Variants in GABRG3 observed in about 807,000 individuals in gnomAD.
GABRG3 encodes gamma-aminobutyric acid type A receptor subunit gamma3, also known as gamma-aminobutyric acid receptor subunit gamma-3.
Under a neutral mutation model 48.8 loss-of-function variants are expected in GABRG3, and 25 were observed. That is an observed-to-expected ratio of 0.51 (90% CI 0.37 to 0.72). The LOEUF (loss-of-function observed/expected upper bound fraction) is 0.72, where lower values mean the gene tolerates loss of function less well. GABRG3 is among the 30% of genes least tolerant of loss of function. GABRG3 has a pLI of 0.00. For missense variants in GABRG3, 394 were observed against 577.9 expected, an observed-to-expected ratio of 0.68 and a Z score of 3.26; for synonymous variants, 227 against 217.6, an observed-to-expected ratio of 1.04 and a Z score of -0.38.
intron 5 of GABRG3, among the ~76,000 whole-genome samples, chr15:27,422,618 T>A (rs1168255344): frequency 1.3e-5 from 2 of 152,188 alleles, no homozygotes; most frequent in African/African-American, 4.8e-5. Flanking sequence ...AACACTGAGT[T>A]TTCTAAGGAC....
intron 3 of GABRG3, among the ~76,000 whole-genome samples, chr15:27,264,162 G>A (rs116630380): frequency 1.3e-5 from 2 of 151,914 alleles, no homozygotes; most frequent in Non-Finnish European, 2.9e-5. Context: ...GCGGCCTCTG[G>A]AGAAACTGGA....
At chr15:27,413,497 G>A (rs1215513467) in intron 5 of GABRG3, among the ~76,000 whole-genome samples, 1 of 152,178 alleles carries the variant, frequency 6.6e-6, no homozygotes, top group African/African-American at 2.4e-5. Context: ...GAAATGAGCT[G>A]TCACCTGTGC....
intron 2 of GABRG3, among the ~76,000 whole-genome samples, chr15:27,004,232 G>A (rs1895533360): frequency 6.6e-6 from 1 of 151,700 alleles, no homozygotes; most frequent in Middle Eastern, 3.4e-3. Flanking sequence ...CTTCTCAGAT[G>A]GGGCAGTTGC....
In GABRG3 at chr15:26,975,818, C is replaced by G. The variant is rs1229674997; in HGVS notation, c.54-1184C>G. ...GAAAAGAGTTCATATACAGTCAGGA[C>G]AAATCCGCTTCCGTGCAGTTTTCAA... On this transcript the variant is annotated intron_variant, in intron 1 of 9. Transcript: ENST00000615808. The surrounding 1 kb of genome is among the most constrained non-coding windows in gnomAD (Gnocchi z 4.6). 1.3e-5 allele frequency among the ~76,000 whole-genome samples: 2 copies of G among 152,158 alleles called. No individual in the cohort carries two copies.
chr15:27,125,100 A>C (rs1304805645), intron 3 of GABRG3, among the ~76,000 whole-genome samples: 1 of 152,150 alleles, frequency 6.6e-6, no homozygotes, highest in African/African-American at 2.4e-5. Context: ...TCTCAAACCA[A>C]AGAGATGTAG....
intron 3 of GABRG3, among the ~76,000 whole-genome samples, chr15:27,045,308 G>T (rs531139302): frequency 6.6e-6 from 1 of 152,152 alleles, no homozygotes; most frequent in Non-Finnish European, 1.5e-5. Flanking sequence ...CAAAGGCCTC[G>T]TGCTAGGTGC....
chr15:27,016,330 G>A (rs1255139994), intron 2 of GABRG3, among the ~76,000 whole-genome samples: 1 of 149,982 alleles, frequency 6.7e-6, no homozygotes. Flanking sequence ...ATCTGAGAAT[G>A]TCTTACATTC....
intron 3 of GABRG3, among the ~76,000 whole-genome samples, chr15:27,190,948 G>A (rs921098853): frequency 6.6e-6 from 1 of 152,156 alleles, no homozygotes; most frequent in Non-Finnish European, 1.5e-5. Context: ...TGGTTTCAAA[G>A]AACATCTTTA....
chr15:27,343,669 A>C (rs1307584454), intron 5 of GABRG3, among the ~76,000 whole-genome samples: 3 of 152,224 alleles, frequency 2.0e-5, no homozygotes, highest in Non-Finnish European at 4.4e-5. Flanking sequence ...CAATTTAACT[A>C]AGTGGGTGGT....
At chr15:27,348,513 G>A (rs2140533926) in intron 5 of GABRG3, among the ~76,000 whole-genome samples, 2 of 152,278 alleles carry the variant, frequency 1.3e-5, no homozygotes, top group Middle Eastern at 6.8e-3. Context: ...GGATACTGAG[G>A]TTCAGGGTAC....
At chr15:27,455,398 A>C (rs1286650350) in intron 5 of GABRG3, among the ~76,000 whole-genome samples, 1 of 133,388 alleles carries the variant, frequency 7.5e-6, no homozygotes, top group Non-Finnish European at 1.6e-5. Context: ...TGTGGTGTGT[A>C]TGTGTGCTAT....
intron 4 of GABRG3, among the ~76,000 whole-genome samples, chr15:27,328,516 A>G (rs926867988): frequency 1.3e-5 from 2 of 152,240 alleles, no homozygotes; most frequent in Non-Finnish European, 2.9e-5. Flanking sequence ...TTATAAAACA[A>G]CAGTTGGTTT....
chr15:26,987,913 T>G (rs1895179900), intron 2 of GABRG3, among the ~76,000 whole-genome samples: 2 of 152,236 alleles, frequency 1.3e-5, no homozygotes, highest in South Asian at 4.1e-4. Flanking sequence ...GATTTCTTCT[T>G]TGACCAATGT....
At chr15:27,071,294 G>C (rs531809601) in intron 3 of GABRG3, among the ~76,000 whole-genome samples, 1 of 152,228 alleles carries the variant, frequency 6.6e-6, no homozygotes, top group African/African-American at 2.4e-5. Context: ...CTACCCTTTT[G>C]CCACCCTACC....
At chr15:27,088,998 G>T (rs750098764) in intron 3 of GABRG3, among the ~76,000 whole-genome samples, 1 of 152,186 alleles carries the variant, frequency 6.6e-6, no homozygotes, top group Non-Finnish European at 1.5e-5. Flanking sequence ...GCCTGGGGGT[G>T]TCAGGCTGGC....
intron 3 of GABRG3, among the ~76,000 whole-genome samples, chr15:27,299,053 G>A (rs747291480): frequency 6.6e-6 from 1 of 152,280 alleles, no homozygotes; most frequent in Non-Finnish European, 1.5e-5. Context: ...AGAGGCCAAG[G>A]CAGATGGATC....
At chr15:27,159,628 G>A (rs1274343587) in intron 3 of GABRG3, among the ~76,000 whole-genome samples, 1 of 152,004 alleles carries the variant, frequency 6.6e-6, no homozygotes, top group Non-Finnish European at 1.5e-5. Flanking sequence ...CTACATTGAT[G>A]CCTCCTGGAA....
intron 9 of GABRG3, among the ~76,000 whole-genome samples, chr15:27,530,280 C>G (rs1384328928): frequency 6.6e-6 from 1 of 152,116 alleles, no homozygotes; most frequent in African/African-American, 2.4e-5. Flanking sequence ...GGGACACTCA[C>G]GGGGCTGCGC....
intron 3 of GABRG3, among the ~76,000 whole-genome samples, chr15:27,181,999 TTATAATAA>T (rs1305904695): frequency 6.7e-6 from 1 of 149,198 alleles, no homozygotes; most frequent in East Asian, 1.9e-4. Flanking sequence ...TATAATAATA[TTATAATAA>T]TATAATATGA....
Sources: gnomAD v4.1 joint callset for allele counts (sites outside exome capture counted in the v4.1 genomes callset) on GRCh38, gnomAD v4.1.1 for gene constraint, Gnocchi (gnomAD v3.1) non-coding constraint, MANE v1.5 for transcripts, NCBI Gene and HGNC (gene_info 2026-07-23, HGNC 2026-07-21) for gene names.